The following TCF4 variants were observed in gnomAD, a reference collection of about 807,000 sequenced individuals.
TCF4 encodes SL3-3 enhancer factor 2.
A neutral mutation model predicts 82.1 loss-of-function variants in TCF4; 3 were observed. That is an observed-to-expected ratio of 0.04 (90% CI 0.02 to 0.09). The LOEUF (loss-of-function observed/expected upper bound fraction) is 0.09, where lower values mean the gene tolerates loss of function less well. Ranked by LOEUF, TCF4 falls within the 10% of genes least tolerant of loss-of-function variation. The probability of loss-of-function intolerance (pLI) is 1.00; values close to 1 mark genes in which losing one functional copy is unlikely to be tolerated. For synonymous variants in TCF4, 276 were observed against 309.6 expected, an observed-to-expected ratio of 0.89 and a Z score of 1.14; for missense variants, 518 against 852.7, an observed-to-expected ratio of 0.61 and a Z score of 4.89.
intron 5 of TCF4, among the ~76,000 whole-genome samples, chr18:55,411,405 G>GA: frequency 6.6e-6 from 1 of 151,976 alleles, no homozygotes; most frequent in Non-Finnish European, 1.5e-5. Context: ...TGTGGTCTTA[G>GA]AAAAAACAGC....
At chr18:55,621,967 A>G (rs1403799668) in intron 2 of TCF4, among the ~76,000 whole-genome samples, 4 of 127,274 alleles carry the variant, frequency 3.1e-5, no homozygotes, top group Non-Finnish European at 6.2e-5. Flanking sequence ...TATACACTAT[A>G]TATTATATAT....
At chr18:55,524,641 A>G (rs1020394593) in intron 3 of TCF4, among the ~76,000 whole-genome samples, 1 of 152,152 alleles carries the variant, frequency 6.6e-6, no homozygotes, top group East Asian at 1.9e-4. Flanking sequence ...ATAAAAATCT[A>G]TTGATGAAGG....
At chr18:55,438,835 G>A (rs2095383675) in intron 5 of TCF4, among the ~76,000 whole-genome samples, 2 of 152,194 alleles carry the variant, frequency 1.3e-5, no homozygotes, top group South Asian at 2.1e-4. Flanking sequence ...AGAAGGGACC[G>A]AAGTGAAGCT....
chr18:55,590,029 C>T (rs1398723554), upstream of TCF4, among the ~76,000 whole-genome samples: 1 of 152,198 alleles, frequency 6.6e-6, no homozygotes, highest in Non-Finnish European at 1.5e-5. Context: ...CGAGGTCGTT[C>T]GCAGGCCCCA....
chr18:55,252,589 G>GTATTTATGTATAGTTTAA (rs2055562462), intron 15 of TCF4, among the ~76,000 whole-genome samples: 1 of 152,014 alleles, frequency 6.6e-6, no homozygotes, highest in Non-Finnish European at 1.5e-5. Flanking sequence ...GTCCCCAAAA[G>GTATTTATGTATAGTTTAA]TATTTATGTA....
Position 55,542,803 on chromosome 18 carries a change from T to C in TCF4, c.145+42477A>G, listed in dbSNP as rs143986030. Among the ~76,000 whole-genome samples the C allele has an allele frequency of 2.9e-3, 437 of 152,142 alleles. 3 individuals are homozygous for C. The highest frequency in any genetic ancestry group is 9.6e-3 in the African/African-American group (397 of 41,560). ...TTTAAGAAAGTCTATCACCATCTAA[T>C]CTGTAAAATACATTTAGAAAAACTC... is the stretch of plus-strand genomic sequence containing the variant. On this transcript the variant is annotated intron_variant, in intron 3 of 19. Transcript: ENST00000354452.
intron 3 of TCF4, 117 bp downstream of exon 3, chr18:55,585,163 T>C (rs763669198): frequency 6.5e-6 from 6 of 920,438 alleles, no homozygotes; most frequent in Non-Finnish European, 1.1e-5. Flanking sequence ...AACCGTATGA[T>C]TACAGGCTAA....
At chr18:55,264,855 G>A (rs531705303) in intron 11 of TCF4, 1 of 152,262 alleles carries the variant, frequency 6.6e-6, no homozygotes, top group South Asian at 2.1e-4. Flanking sequence ...AAGTAGAGCT[G>A]TAACATACAA....
At chr18:55,391,575 C>T (rs1326623867) in intron 6 of TCF4, among the ~76,000 whole-genome samples, 2 of 151,840 alleles carry the variant, frequency 1.3e-5, no homozygotes, top group Non-Finnish European at 2.9e-5. Context: ...TCTCCTGGGC[C>T]CAGGTAAGCC....
chr18:55,598,166 G>A (rs879283523), intron 2 of TCF4, among the ~76,000 whole-genome samples: 2 of 152,182 alleles, frequency 1.3e-5, no homozygotes, highest in Non-Finnish European at 2.9e-5. Context: ...ATCTTAGAAG[G>A]CTTCTTAGAA....
chr18:55,544,587 C>T (rs906555510), intron 3 of TCF4, among the ~76,000 whole-genome samples: 13 of 152,080 alleles, frequency 8.5e-5, no homozygotes, highest in African/African-American at 2.9e-4. Context: ...TGTTTGTCTT[C>T]GTGGCCTCAT....
chr18:55,288,901 G>A (rs929679680), intron 8 of TCF4, among the ~76,000 whole-genome samples: 5 of 152,234 alleles, frequency 3.3e-5, no homozygotes, highest in African/African-American at 1.2e-4. Flanking sequence ...AAACCACCAT[G>A]TTATTATCTG....
intron 2 of TCF4, among the ~76,000 whole-genome samples, chr18:55,607,307 C>T (rs1019591545): frequency 1.3e-5 from 2 of 152,106 alleles, no homozygotes; most frequent in Middle Eastern, 3.2e-3. Flanking sequence ...TCTTAAAAGT[C>T]AGTAGGTCAA....
chr18:55,229,314 C>T (rs908627387), intron 17 of TCF4: 23 of 543,200 alleles, frequency 4.2e-5, no homozygotes, highest in Middle Eastern at 4.8e-4. Flanking sequence ...GTGAGGGTGA[C>T]GTAGATTAAA....
intron 8 of TCF4, among the ~76,000 whole-genome samples, chr18:55,324,542 C>T (rs2076232915): frequency 1.3e-5 from 2 of 152,130 alleles, no homozygotes; most frequent in Admixed American, 1.3e-4. Context: ...TTAAAGAAGT[C>T]TTAATCTTAA....
At chr18:55,497,537 A>C (rs894608231) in intron 3 of TCF4, among the ~76,000 whole-genome samples, 2 of 152,200 alleles carry the variant, frequency 1.3e-5, no homozygotes, top group Admixed American at 6.5e-5. Context: ...ACAAATTACA[A>C]ATGATTAGTT....
At chr18:55,464,963 G>C (rs2095978474) in intron 3 of TCF4, among the ~76,000 whole-genome samples, 1 of 152,202 alleles carries the variant, frequency 6.6e-6, no homozygotes. Context: ...ACGCAGGATG[G>C]AAAGTCTAAC....
rs189263290 is a variant in TCF4 at position 55,450,423 on chromosome 18, T to C, written c.304+10596A>G. On this transcript the variant is annotated intron_variant, in intron 5 of 19. Transcript: ENST00000354452. ...GCTGTGTCTATTAACCACTTAGAAA[T>C]AAATTTAATTTAATCTCAACCTATG... Among the ~76,000 whole-genome samples, 32 of 152,286 alleles carry C rather than the reference T, an allele frequency of 2.1e-4. No individual in the cohort carries two copies. In the East Asian group the frequency reaches 6.2e-3, roughly 29 times the overall value.
chr18:55,300,518 G>A lies in TCF4; in HGVS notation c.550-20862C>T, dbSNP rs1322768001. On this transcript the variant is annotated intron_variant, in intron 8 of 19. Transcript: ENST00000354452. ...TTAGCAACCCAGAGTGGAAAGGGCC[G>A]GAAGGAAAACCCACCCACCTCACCC... 3.3e-5 allele frequency among the ~76,000 whole-genome samples: 5 copies of A among 152,092 alleles called. No homozygotes were observed. In the East Asian group the frequency reaches 5.8e-4, roughly 18 times the overall value.
Sources: allele counts gnomAD v4.1 joint callset (sites outside exome capture counted in the v4.1 genomes callset), GRCh38; gene constraint gnomAD v4.1.1; transcripts MANE v1.5; gene names NCBI Gene and HGNC (gene_info 2026-07-23, HGNC 2026-07-21).